Variants in SPAG16 observed in about 807,000 individuals in gnomAD.
SPAG16 encodes the protein sperm-associated antigen 16 protein.
In SPAG16, 86 loss-of-function variants were observed where a neutral mutation model predicts 80.4. The ratio of observed to expected loss-of-function variants is 1.07; its 90% CI spans 0.90 to 1.28. The LOEUF is 1.28. Ranked by LOEUF, SPAG16 falls within the 50% of genes most tolerant of loss-of-function variation. The pLI is 0.00. For synonymous variants in SPAG16, 294 were observed against 265.9 expected (o/e 1.11, Z -1.03); for missense variants, 870 against 765.3 (o/e 1.14, Z -1.61).
chr2:213,468,491 G>GTATT (rs2072859760), intron 9 of SPAG16, among the ~76,000 whole-genome samples: 5 of 103,468 alleles, frequency 4.8e-5, no homozygotes, highest in Non-Finnish European at 5.7e-5. Flanking sequence ...ATATATATAT[G>GTATT]TATTTATATA....
intron 12 of SPAG16, among the ~76,000 whole-genome samples, chr2:214,008,744 C>CA (rs555712697): frequency 0.019 from 2,201 of 116,972 alleles, 38 homozygotes; most frequent in African/African-American, 0.049. Context: ...GACTCCATCT[C>CA]AAAAAAAAAA....
chr2:214,342,904 G>A (rs922453878), intron 15 of SPAG16, among the ~76,000 whole-genome samples: 1 of 152,014 alleles, frequency 6.6e-6, no homozygotes, highest in Non-Finnish European at 1.5e-5. Context: ...AATAAAGTTG[G>A]GTGTACTGTT....
chr2:214,133,041 G>C (rs1032358066), intron 14 of SPAG16, among the ~76,000 whole-genome samples: 4 of 151,810 alleles, frequency 2.6e-5, no homozygotes, highest in African/African-American at 7.3e-5. Flanking sequence ...GCAGTGAACT[G>C]AGATCGTGCC....
intron 9 of SPAG16, among the ~76,000 whole-genome samples, chr2:213,407,498 T>C (rs28466574): frequency 0.32 from 48,227 of 151,388 alleles, 8,460 homozygotes; most frequent in African/African-American, 0.44. Flanking sequence ...AGGGTTGAAC[T>C]TGACACAACC....
At chr2:214,180,407 A>G (rs2057274172) in intron 15 of SPAG16, among the ~76,000 whole-genome samples, 1 of 151,770 alleles carries the variant, frequency 6.6e-6, no homozygotes, top group South Asian at 2.1e-4. Flanking sequence ...GCAAAAGGAC[A>G]GTTGATCATC....
At chr2:213,735,752 A>G (rs1280362790) in intron 10 of SPAG16, among the ~76,000 whole-genome samples, 1 of 152,206 alleles carries the variant, frequency 6.6e-6, no homozygotes, top group East Asian at 1.9e-4. Flanking sequence ...GAAAGATAGG[A>G]GATGAATTTC....
chr2:214,241,959 T>G (rs1446665967), intron 15 of SPAG16, among the ~76,000 whole-genome samples: 1 of 152,172 alleles, frequency 6.6e-6, no homozygotes, highest in Non-Finnish European at 1.5e-5. Context: ...ATATCCTGGA[T>G]GCAGGTGATT....
intron 12 of SPAG16, among the ~76,000 whole-genome samples, chr2:213,984,959 C>T (rs1177704751): frequency 1.3e-5 from 2 of 152,118 alleles, no homozygotes; most frequent in African/African-American, 4.8e-5. Context: ...TCCCTGACTA[C>T]CTACTTAAGT....
intron 10 of SPAG16, among the ~76,000 whole-genome samples, chr2:213,508,811 A>G (rs2075090856): frequency 6.6e-6 from 1 of 152,020 alleles, no homozygotes; most frequent in South Asian, 2.1e-4. Flanking sequence ...AGATATACCT[A>G]ATGTTAAATG....
intron 12 of SPAG16, among the ~76,000 whole-genome samples, chr2:214,007,929 C>T (rs1335485801): frequency 1.3e-5 from 2 of 152,076 alleles, no homozygotes; most frequent in Non-Finnish European, 2.9e-5. Context: ...AAGATTTTAG[C>T]CATCATTTCT....
chr2:214,140,092 C>T (rs2055271442), intron 14 of SPAG16, among the ~76,000 whole-genome samples: 1 of 152,160 alleles, frequency 6.6e-6, no homozygotes, highest in Non-Finnish European at 1.5e-5. Context: ...ACCTGATCGC[C>T]TCAGGCACAC....
chr2:213,467,217 G>A (rs1359449908), intron 9 of SPAG16, among the ~76,000 whole-genome samples: 2 of 152,124 alleles, frequency 1.3e-5, no homozygotes, highest in Non-Finnish European at 2.9e-5. Flanking sequence ...TGGTTTTAGG[G>A]CTCACTAAAC....
chr2:214,190,676 C>T (rs2057633505), intron 15 of SPAG16, among the ~76,000 whole-genome samples: 3 of 151,986 alleles, frequency 2.0e-5, no homozygotes, highest in African/African-American at 7.2e-5. Flanking sequence ...GGTTTAGATG[C>T]CATTATGAGA....
chr2:213,976,109 G>GATATATATATATATATAT (rs1553685173), intron 12 of SPAG16, among the ~76,000 whole-genome samples: 6 of 121,498 alleles, frequency 4.9e-5, no homozygotes, highest in East Asian at 2.4e-4. Flanking sequence ...CAGTGAGGGA[G>GATATATATATATATATAT]ATATATATAT....
At chr2:213,803,219 A>G (rs1355364664) in intron 10 of SPAG16, among the ~76,000 whole-genome samples, 2 of 152,232 alleles carry the variant, frequency 1.3e-5, no homozygotes, top group Non-Finnish European at 2.9e-5. Flanking sequence ...AGTCCCCTGG[A>G]ATATGGCAAG....
At chr2:214,282,195 A>G (rs1692998435) in intron 15 of SPAG16, among the ~76,000 whole-genome samples, 1 of 152,200 alleles carries the variant, frequency 6.6e-6, no homozygotes, top group African/African-American at 2.4e-5. Flanking sequence ...AAATATGAAT[A>G]AAGCACGTTT....
chr2:213,294,077 C>A (rs187852977), intron 1 of SPAG16, among the ~76,000 whole-genome samples: 1 of 152,146 alleles, frequency 6.6e-6, no homozygotes, highest in Non-Finnish European at 1.5e-5. Flanking sequence ...GAACATCCCC[C>A]CATTTTCCCT....
intron 9 of SPAG16, among the ~76,000 whole-genome samples, chr2:213,410,631 G>T (rs1400316692): frequency 6.6e-6 from 1 of 152,192 alleles, no homozygotes; most frequent in Non-Finnish European, 1.5e-5. Flanking sequence ...AGAAGTTAAA[G>T]ACTTAAACTT....
chr2:213,618,458 CTG>C (rs1001386741), intron 10 of SPAG16, among the ~76,000 whole-genome samples: 1 of 152,172 alleles, frequency 6.6e-6, no homozygotes, highest in African/African-American at 2.4e-5. Flanking sequence ...TCCCCCCAAA[CTG>C]TAAAGTATCT....
Sources: gnomAD v4.1 joint callset for allele counts (sites outside exome capture counted in the v4.1 genomes callset) on GRCh38, gnomAD v4.1.1 for gene constraint, MANE v1.5 for transcripts, NCBI Gene and HGNC (gene_info 2026-07-23, HGNC 2026-07-21) for gene names.